Variants in TENM1 observed in about 807,000 individuals in gnomAD.
TENM1 encodes the protein teneurin transmembrane protein 1, also known as teneurin-1.
TENM1 carries 35 observed loss-of-function variants against 174.8 expected under a neutral mutation model. The ratio of observed to expected loss-of-function variants is 0.20; its 90% CI spans 0.15 to 0.27. The LOEUF is 0.27. Ranked by LOEUF, TENM1 falls within the 10% of genes least tolerant of loss-of-function variation. The pLI, the probability that TENM1 is intolerant of heterozygous loss-of-function variation, is 1.00. For synonymous variants in TENM1, 781 were observed against 798.7 expected, an observed-to-expected ratio of 0.98 and a Z score of 0.37; for missense variants, 1,633 against 2,130.1, an observed-to-expected ratio of 0.77 and a Z score of 4.59.
chrX:124,448,989 C>T lies in TENM1; in HGVS notation c.4104+4348G>A, dbSNP rs145201687. Reference sequence around the variant, plus strand: ...AGAGGGTGATAATCTGGACACTAATCAATACAGTCTCCTTGTTTTGAGCCA... The same window carrying T: ...AGAGGGTGATAATCTGGACACTAATTAATACAGTCTCCTTGTTTTGAGCCA... On this transcript the variant is annotated intron_variant, in intron 23 of 31. Transcript: ENST00000422452. Among the ~76,000 whole-genome samples the T allele has an allele frequency of 7.7e-3, 861 of 111,378 alleles. 3 individuals are homozygous for T. The highest frequency in any genetic ancestry group is 0.012 in the Non-Finnish European group (655 of 53,018).
intron 19 of TENM1, 106 bp downstream of exon 22, chrX:124,503,454 T>C: frequency 2.8e-6 from 2 of 711,426 alleles, no homozygotes; most frequent in Non-Finnish European, 4.2e-6. Flanking sequence ...CTAAGTAGTA[T>C]TCTCACAAGT....
intron 3 of TENM1, among the ~76,000 whole-genome samples, 172 bp from the exon 7 acceptor site, chrX:124,737,369 G>A (rs1336061909): frequency 8.9e-6 from 1 of 111,899 alleles, no homozygotes; most frequent in East Asian, 2.8e-4. Flanking sequence ...ACAAAAGCAC[G>A]TGCAGCATGC....
At chrX:125,175,732 T>G in the TENM1 span, among the ~76,000 whole-genome samples, 103 of 109,648 alleles carry the variant, frequency 9.4e-4, no homozygotes, top group Non-Finnish European at 1.5e-3. Flanking sequence ...CAGGAAAAGA[T>G]GTGTAGAGAA....
chrX:124,488,117 C>G (rs985671254), intron 20 of TENM1, among the ~76,000 whole-genome samples: 1 of 111,748 alleles, frequency 8.9e-6, no homozygotes, highest in Non-Finnish European at 1.9e-5. Context: ...CCTCTTGGCA[C>G]AGGGTATTGC....
chrX:124,683,501 AT>A (rs1602991943), intron 5 of TENM1, among the ~76,000 whole-genome samples: 2 of 111,821 alleles, frequency 1.8e-5, no homozygotes, highest in Admixed American at 9.5e-5. Context: ...TATTCAAGCT[AT>A]TTTTTCCATC....
At chrX:124,400,322 G>A (rs2060385289) in intron 27 of TENM1, among the ~76,000 whole-genome samples, 1 of 111,319 alleles carries the variant, frequency 9.0e-6, no homozygotes, top group Non-Finnish European at 1.9e-5. Flanking sequence ...AAAGGCCAGA[G>A]CCCTCTTGGC....
intron 11 of TENM1, among the ~76,000 whole-genome samples, chrX:124,573,813 C>T (rs1391881879): frequency 8.9e-6 from 1 of 112,228 alleles, no homozygotes; most frequent in East Asian, 2.8e-4. Context: ...AGTTTCTGGA[C>T]TGATTCTAAG....
intron 5 of TENM1, among the ~76,000 whole-genome samples, chrX:124,686,107 A>G (rs2052358446): frequency 9.9e-6 from 1 of 100,606 alleles, no homozygotes; most frequent in South Asian, 4.2e-4. Context: ...ACAGCAAGAG[A>G]AAAGTGGCCT....
chrX:124,768,006 T>C (rs748471484), intron 3 of TENM1, among the ~76,000 whole-genome samples: 1 of 111,713 alleles, frequency 9.0e-6, no homozygotes, highest in South Asian at 3.7e-4. Context: ...TCCCAATGTG[T>C]CTATCTCTCC....
intron 22 of TENM1, 89 bp downstream of exon 25, chrX:124,481,643 C>T (rs780851751): frequency 3.8e-6 from 1 of 260,892 alleles, no homozygotes; most frequent in Admixed American, 6.9e-5. Flanking sequence ...TAAAGTGTGG[C>T]AACAGTCTCG....
At chrX:124,542,265 A>G (rs919046198) in intron 15 of TENM1, among the ~76,000 whole-genome samples, 1 of 112,726 alleles carries the variant, frequency 8.9e-6, no homozygotes, top group African/African-American at 3.2e-5. Flanking sequence ...ATTCAAAACA[A>G]GAAGAGAACA....
intron 25 of TENM1, among the ~76,000 whole-genome samples, chrX:124,407,622 C>T (rs1322832418): frequency 1.8e-5 from 2 of 112,088 alleles, no homozygotes; most frequent in African/African-American, 3.2e-5. Context: ...ATTTTAATAA[C>T]TATACCAGCC....
chrX:124,619,947 G>T (rs1333543752), intron 11 of TENM1, among the ~76,000 whole-genome samples: 1 of 111,881 alleles, frequency 8.9e-6, no homozygotes, highest in East Asian at 2.8e-4. Flanking sequence ...AGTACAATCA[G>T]CCAACCCTTC....
intron 6 of TENM1, among the ~76,000 whole-genome samples, chrX:124,670,428 G>A (rs113020889): frequency 0.011 from 1,247 of 111,184 alleles, 19 homozygotes; most frequent in African/African-American, 0.038. Flanking sequence ...TCTGAGCAGT[G>A]AGTGTGGCAG....
intron 1 of TENM1, among the ~76,000 whole-genome samples, chrX:124,917,615 ATTGAG>A (rs2057948453): frequency 8.9e-6 from 1 of 112,069 alleles, no homozygotes; most frequent in Non-Finnish European, 1.9e-5. Flanking sequence ...ATTGAACTGA[ATTGAG>A]TTGTGATAAA....
At chrX:124,893,755 C>T (rs1463639526) in intron 3 of TENM1, among the ~76,000 whole-genome samples, 1 of 110,760 alleles carries the variant, frequency 9.0e-6, no homozygotes, top group African/African-American at 3.3e-5. Flanking sequence ...AGGAATGACA[C>T]AGTGTAAATA....
At chrX:125,067,225 A>G in the TENM1 span, among the ~76,000 whole-genome samples, 5 of 111,397 alleles carry the variant, frequency 4.5e-5, no homozygotes, top group African/African-American at 1.6e-4. Flanking sequence ...AAAGTCCCCA[A>G]AGAAAGGGTT....
chrX:125,077,461 A>G, the TENM1 span, among the ~76,000 whole-genome samples: 2 of 111,417 alleles, frequency 1.8e-5, no homozygotes, highest in African/African-American at 3.3e-5. Flanking sequence ...TAGTTTGCAA[A>G]TGATATTCAA....
intron 23 of TENM1, among the ~76,000 whole-genome samples, chrX:124,448,835 T>C (rs775303796): frequency 1.8e-4 from 20 of 111,958 alleles, no homozygotes; most frequent in African/African-American, 5.8e-4. Context: ...CAGTGAGGAC[T>C]AGAACCATCA....
Sources: allele counts gnomAD v4.1 joint callset (sites outside exome capture counted in the v4.1 genomes callset), GRCh38; gene constraint gnomAD v4.1.1; transcripts MANE v1.5; gene names NCBI Gene and HGNC (gene_info 2026-07-23, HGNC 2026-07-21).